The following ENPP3 variants were observed in gnomAD, a reference collection of about 807,000 sequenced individuals.
ENPP3 encodes ectonucleotide pyrophosphatase/phosphodiesterase family member 3.
ENPP3 carries 104 observed loss-of-function variants against 117.8 expected under a neutral mutation model. That is an observed-to-expected ratio of 0.88 (90% confidence interval 0.75 to 1.04). The LOEUF (loss-of-function observed/expected upper bound fraction) is 1.04, where lower values mean the gene tolerates loss of function less well. ENPP3 is among the 50% of genes least tolerant of loss of function. The probability of loss-of-function intolerance (pLI) is 0.00; values close to 1 mark genes in which losing one functional copy is unlikely to be tolerated. For synonymous variants in ENPP3, 380 were observed against 349.9 expected, an observed-to-expected ratio of 1.09 and a Z score of -0.96; for missense variants, 1,026 against 1,051.9, an observed-to-expected ratio of 0.98 and a Z score of 0.34.
At chr6:131,642,566 C>T (rs1333622181) in intron 2 of ENPP3, among the ~76,000 whole-genome samples, 2 of 151,818 alleles carry the variant, frequency 1.3e-5, no homozygotes, top group Admixed American at 6.6e-5. Context: ...ATTCATGTCC[C>T]CCCGCTTTTT....
chr6:131,637,484 A>G (rs758933919), intron 1 of ENPP3, 22 bp downstream of exon 1: 1 of 1,327,750 alleles, frequency 7.5e-7, no homozygotes, highest in Non-Finnish European at 1.1e-6. Flanking sequence ...TCTTATTTTT[A>G]GTCTTTCTAG....
At chr6:131,660,027 A>G (rs370684177) in intron 6 of ENPP3, among the ~76,000 whole-genome samples, 1 of 152,220 alleles carries the variant, frequency 6.6e-6, no homozygotes, top group African/African-American at 2.4e-5. Context: ...TTTTTTAGTC[A>G]TATAGACAAC....
intron 23 of ENPP3, among the ~76,000 whole-genome samples, chr6:131,739,386 C>G (rs1780473992): frequency 6.6e-6 from 1 of 152,164 alleles, no homozygotes; most frequent in Non-Finnish European, 1.5e-5. Context: ...AGCACAGAAT[C>G]ACTTCCTTGG....
rs1414017265 is a variant in ENPP3, at chr6:131,737,424, A to G, written c.2159A>G (p.Glu720Gly). 1.3e-6 allele frequency: 2 copies of G among 1,552,798 alleles called. No individual in the cohort carries two copies. Among genetic ancestry groups the G allele is most frequent in the Admixed American group, 3.4e-5 (2 of 59,346 alleles). ...AGCAATTTGGTACCTATGTATGAAG[A>G]ATTCAGAAGTAAGTATGAATTTAGA... ...ITSNLVPMYE[E>G]FRKMWDYFHS... is the part of the protein sequence containing the mutation. Residue 720 changes from glutamate (E) to glycine (G), a missense_variant, in exon 22 of 25, where the codon GAA becomes GGA. By Grantham distance (98) the Glu-to-Gly change is moderately conservative. Transcript: ENST00000357639.
At chr6:131,713,866 G>A (rs1160310769) in intron 15 of ENPP3, among the ~76,000 whole-genome samples, 2 of 151,272 alleles carry the variant, frequency 1.3e-5, no homozygotes, top group East Asian at 2.0e-4. Flanking sequence ...TATTCTCAAA[G>A]TCTTTGAGCT....
chr6:131,665,654 A>G (rs1486534837), intron 6 of ENPP3, among the ~76,000 whole-genome samples: 2 of 151,862 alleles, frequency 1.3e-5, no homozygotes, highest in Admixed American at 1.3e-4. Flanking sequence ...AAGTATGTCA[A>G]TTTTGTTTAT....
intron 9 of ENPP3, among the ~76,000 whole-genome samples, chr6:131,676,203 A>C (rs1778864825): frequency 1.3e-5 from 2 of 151,384 alleles, no homozygotes; most frequent in East Asian, 1.9e-4. Flanking sequence ...AGTTATACTT[A>C]AGATTTAAAA....
intron 7 of ENPP3, among the ~76,000 whole-genome samples, chr6:131,672,144 T>A (rs1174119446): frequency 6.6e-6 from 1 of 152,202 alleles, no homozygotes; most frequent in East Asian, 1.9e-4. Flanking sequence ...TTTGCAGCCA[T>A]CACAAAGAAG....
chr6:131,736,917 G>T (rs961005437), intron 21 of ENPP3, among the ~76,000 whole-genome samples: 1 of 152,090 alleles, frequency 6.6e-6, no homozygotes, highest in Admixed American at 6.5e-5. Flanking sequence ...GTGGCTCCAG[G>T]CATTGCTTGG....
intron 2 of ENPP3, among the ~76,000 whole-genome samples, chr6:131,643,944 T>A (rs917890225): frequency 1.4e-5 from 1 of 72,188 alleles, no homozygotes; most frequent in Non-Finnish European, 2.4e-5. Flanking sequence ...TGTGTGTGTC[T>A]GTGTGTGTGT....
intron 16 of ENPP3, among the ~76,000 whole-genome samples, chr6:131,719,885 T>C (rs2114525450): frequency 6.6e-6 from 1 of 152,294 alleles, no homozygotes; most frequent in African/African-American, 2.4e-5. Flanking sequence ...TTTTGTGTCA[T>C]GTTAACATAT....
intron 10 of ENPP3, among the ~76,000 whole-genome samples, chr6:131,677,195 A>G (rs1778887894): frequency 6.6e-6 from 1 of 152,192 alleles, no homozygotes. Flanking sequence ...TGATCATGCC[A>G]CTGCCCTCCA....
intron 2 of ENPP3, among the ~76,000 whole-genome samples, chr6:131,642,632 T>A (rs1317050211): frequency 1.3e-5 from 2 of 152,146 alleles, no homozygotes; most frequent in Non-Finnish European, 2.9e-5. Flanking sequence ...AGTGCAGTGG[T>A]GTGATCACAG....
At position 131,679,073 on chromosome 6, in the gene ENPP3, CTTTCTTTCTTTCTTTT is replaced by C. The variant is rs1338110601; in HGVS notation, c.1011+1134_1011+1149del. ...TCTTTCTTTCTTTCTTTCTTTCTTTCTTTCTTTCTTTCTTTTCTTCTTTCTTTCTTTCCTTTTTTGA... is the reference window on the plus strand; with the variant it reads ...TCTTTCTTTCTTTCTTTCTTTCTTTCCTTCTTTCTTTCTTTCCTTTTTTGA... On this transcript the variant is annotated intron_variant, in intron 11 of 24. Transcript: ENST00000357639. 6.5e-4 allele frequency among the ~76,000 whole-genome samples: 82 copies of C among 125,986 alleles called. 3 individuals are homozygous for C. Among genetic ancestry groups the C allele is most frequent in the African/African-American group, 1.6e-3 (51 of 30,990 alleles). The allele number at this position is 125,986 out of a possible 152,430, so 82.7% of individuals were successfully genotyped here.
intron 6 of ENPP3, among the ~76,000 whole-genome samples, chr6:131,669,011 C>T (rs1778682768): frequency 6.6e-6 from 1 of 152,218 alleles, no homozygotes; most frequent in South Asian, 2.1e-4. Flanking sequence ...CATGCTTTTA[C>T]AATACCGGTA....
chr6:131,678,035 A>C, intron 11 of ENPP3, 95 bp downstream of exon 11: 1 of 701,430 alleles, frequency 1.4e-6, no homozygotes, highest in Non-Finnish European at 2.4e-6. Context: ...TCTACTGAGC[A>C]CAAATGTATT....
At chr6:131,651,597 T>C (rs1219926064) in intron 3 of ENPP3, among the ~76,000 whole-genome samples, 1 of 152,212 alleles carries the variant, frequency 6.6e-6, no homozygotes, top group African/African-American at 2.4e-5. Context: ...ACTTGAGAAA[T>C]GCTGTTCTCT....
At chr6:131,701,366 G>A (rs376458272) in intron 15 of ENPP3, 2 of 1,613,824 alleles carry the variant, frequency 1.2e-6, no homozygotes, top group African/African-American at 2.7e-5. Context: ...ATCCCAGTAG[G>A]AGGAACTCTC....
At chr6:131,664,549 C>T (rs1377299879) in intron 6 of ENPP3, among the ~76,000 whole-genome samples, 1 of 152,104 alleles carries the variant, frequency 6.6e-6, no homozygotes, top group Non-Finnish European at 1.5e-5. Flanking sequence ...TTTATCAAGT[C>T]TATAGTAGTT....
Sources: allele counts gnomAD v4.1 joint callset (sites outside exome capture counted in the v4.1 genomes callset), GRCh38; gene constraint gnomAD v4.1.1; transcripts MANE v1.5; gene names NCBI Gene and HGNC (gene_info 2026-07-23, HGNC 2026-07-21).